Variants in RHOBTB2 observed in about 807,000 individuals in gnomAD.
The protein encoded by RHOBTB2 is Rho related BTB domain containing 2, also known as rho-related BTB domain-containing protein 2.
In RHOBTB2, 39 loss-of-function variants were observed where a neutral mutation model predicts 66.5. The observed-to-expected ratio is 0.59, with a 90% CI of 0.45 to 0.77. The LOEUF is 0.77. RHOBTB2 is among the 30% of genes least tolerant of loss of function. The pLI, the probability that RHOBTB2 is intolerant of heterozygous loss-of-function variation, is 0.00. For missense variants in RHOBTB2, 755 were observed against 999.1 expected (o/e 0.76, Z 3.29); for synonymous variants, 390 against 395.0 (o/e 0.99, Z 0.15).
chr8:23,012,777 C>G (rs1023173809), intron 7 of RHOBTB2, among the ~76,000 whole-genome samples: 14 of 152,084 alleles, frequency 9.2e-5, no homozygotes, highest in African/African-American at 3.4e-4. Context: ...CCTCATCACA[C>G]CCAGCTAATT....
At position 23,017,104 on chromosome 8, in the gene RHOBTB2, G is replaced by A. The variant is rs1029198073; in HGVS notation, c.1967-148G>A. 3.4e-5 allele frequency: 34 copies of A among 1,005,626 alleles called. No homozygotes were observed. Among genetic ancestry groups the A allele is most frequent in the Middle Eastern group, 3.1e-4 (1 of 3,258 alleles). 62.3% of individuals were successfully genotyped at this position (1,005,626 alleles called of 1,614,324 possible). ...GCTCTTTGGGAACTTTGCTTGCCTC[G>A]GAGGCTCATGTGCCGTGGGTCATGG... On this transcript the variant is annotated intron_variant, in intron 9 of 9. Transcript: ENST00000251822. This position sits in a 1 kb window ranked among gnomAD's most constrained non-coding sequence, Gnocchi z 5.3.
chr8:22,954,026 T>C, the RHOBTB2 span, among the ~76,000 whole-genome samples: 2 of 152,208 alleles, frequency 1.3e-5, no homozygotes, highest in African/African-American at 2.4e-5. Flanking sequence ...TTGATCCCTT[T>C]GTGTTTGCTT....
chr8:23,017,949 A>C lies in RHOBTB2; in HGVS notation c.*480A>C. On this transcript the variant is annotated 3_prime_UTR_variant, in exon 10 of 10. Coordinates refer to ENST00000251822, the MANE Select transcript of RHOBTB2 (RefSeq NM_015178.3). The surrounding 1 kb of genome is among the most constrained non-coding windows in gnomAD (Gnocchi z 5.3). The stretch of plus-strand genomic sequence containing the variant: ...TTGTGGGCATTTCCACACGAAGCCT[A>C]CTCACACCCTCACTGGAGAAGTCAG... 2 of 167,920 alleles carry C rather than the reference A, an allele frequency of 1.2e-5. No individual in the cohort carries two copies. Among genetic ancestry groups the C allele is most frequent in the African/African-American group, 2.4e-5 (1 of 42,074 alleles). The allele number at this position is 167,920 out of a possible 1,614,324, so 10.4% of individuals were successfully genotyped here.
intron 7 of RHOBTB2, among the ~76,000 whole-genome samples, chr8:23,013,711 G>T (rs1008312076): frequency 2.0e-5 from 3 of 152,140 alleles, no homozygotes; most frequent in African/African-American, 7.2e-5. Context: ...GGCCAGGCTG[G>T]TCTTGAACTC....
Position 23,014,682 on chromosome 8 carries a change from T to C in RHOBTB2, c.1772-8T>C. The C allele has an allele frequency of 1.2e-6, 2 of 1,613,296 alleles. No homozygotes were observed. The highest frequency in any genetic ancestry group is 1.7e-6 in the Non-Finnish European group (2 of 1,179,330). ...TCTTCAGCTGATTGGTGGCCGTGTG[T>C]GTTACAGAGCAGTACACAGTGACCG... On this transcript the variant is annotated splice_polypyrimidine_tract_variant and splice_region_variant and intron_variant, in intron 7 of 9. Transcript: ENST00000251822.
At chr8:23,015,256 C>T (rs1811257366) in intron 8 of RHOBTB2, among the ~76,000 whole-genome samples, 1 of 152,178 alleles carries the variant, frequency 6.6e-6, no homozygotes, top group South Asian at 2.1e-4. Flanking sequence ...GAAGGCAGCT[C>T]CCTTAGCTCA....
intron 7 of RHOBTB2, among the ~76,000 whole-genome samples, chr8:23,011,085 C>T (rs1811133156): frequency 6.6e-6 from 1 of 152,172 alleles, no homozygotes; most frequent in Non-Finnish European, 1.5e-5. Context: ...TGAAACCCGT[C>T]TCTACTAAAA....
At chr8:22,970,797 A>G in the RHOBTB2 span, among the ~76,000 whole-genome samples, 26 of 151,948 alleles carry the variant, frequency 1.7e-4, no homozygotes, top group African/African-American at 2.2e-4. Context: ...CTCATACTCT[A>G]TGTTCTCGTT....
At chr8:22,996,841 G>A (rs1008627561), upstream of RHOBTB2, among the ~76,000 whole-genome samples, 3 of 152,110 alleles carry the variant, frequency 2.0e-5, no homozygotes, top group African/African-American at 4.8e-5. Context: ...TGGCCTCTGG[G>A]AGTGGCCCTG....
At chr8:22,996,586 T>C (rs560465563), upstream of RHOBTB2, among the ~76,000 whole-genome samples, 2 of 129,896 alleles carry the variant, frequency 1.5e-5, no homozygotes, top group South Asian at 4.7e-4. Flanking sequence ...TCTGTGTATG[T>C]AACGGAATGG....
Position 23,008,120 on chromosome 8 carries a change from G to A in RHOBTB2, c.1620+9G>A, listed in dbSNP as rs1391164320. 1 of 1,583,188 alleles carries A rather than the reference G, an allele frequency of 6.3e-7. No individual in the cohort carries two copies. The highest frequency in any genetic ancestry group is 2.2e-5 in the East Asian group (1 of 44,728). ...AGAGCTCCACCCGGGAGGTAAGGCTGAGGACACAAAGGGGGGAAGGAGGGA... is the reference window on the plus strand; with the variant it reads ...AGAGCTCCACCCGGGAGGTAAGGCTAAGGACACAAAGGGGGGAAGGAGGGA... On this transcript the variant is annotated intron_variant, in intron 6 of 9. Transcript: ENST00000251822.
upstream of RHOBTB2, among the ~76,000 whole-genome samples, chr8:22,985,499 G>C (rs1454905872): frequency 1.3e-5 from 2 of 152,218 alleles, no homozygotes; most frequent in Non-Finnish European, 2.9e-5. Context: ...TTATAGATAA[G>C]AGAGCAGGTC....
intron 3 of RHOBTB2, 90 bp from the exon 4 acceptor site, chr8:23,005,870 A>G: frequency 8.3e-7 from 1 of 1,200,330 alleles, no homozygotes; most frequent in South Asian, 1.4e-5. Context: ...CAGGTGTGGG[A>G]CTGTACAGGG....
At position 23,015,763 on chromosome 8, in the gene RHOBTB2, C is replaced by G. The variant is rs945331049; in HGVS notation, c.1966+20C>G. The G allele has an allele frequency of 2.0e-6, 3 of 1,519,358 alleles. No homozygotes were observed. Among genetic ancestry groups the G allele is most frequent in the East Asian group, 4.5e-5 (2 of 44,336 alleles). The allele number at this position is 1,519,358 out of a possible 1,614,324, so 94.1% of individuals were successfully genotyped here. On this transcript the variant is annotated intron_variant, in intron 9 of 9. Coordinates refer to ENST00000251822, the MANE Select transcript of RHOBTB2 (RefSeq NM_015178.3). Reference sequence around the variant, plus strand: ...CCCCAGGTGAGCATCGGGGCCAGTCCTGGCAGTACCTGCTGCCCTCCCCTT... The same window carrying G: ...CCCCAGGTGAGCATCGGGGCCAGTCGTGGCAGTACCTGCTGCCCTCCCCTT...
intron 6 of RHOBTB2, among the ~76,000 whole-genome samples, chr8:23,008,552 G>C (rs1811042248): frequency 6.6e-6 from 1 of 152,092 alleles, no homozygotes. Flanking sequence ...TGTTTTAAAA[G>C]ATAGGTTTTA....
chr8:23,010,145 G>A (rs1811096861), intron 6 of RHOBTB2, among the ~76,000 whole-genome samples: 1 of 152,166 alleles, frequency 6.6e-6, no homozygotes, highest in South Asian at 2.1e-4. Context: ...AGTAGTATCT[G>A]GGTCCCTTTG....
Position 23,010,275 on chromosome 8 carries a change from C to T in RHOBTB2, c.1621-263C>T, listed in dbSNP as rs550582816. Among the ~76,000 whole-genome samples the T allele has an allele frequency of 5.3e-5, 8 of 152,248 alleles. No individual in the cohort carries two copies. The South Asian group carries it at 8.3e-4, about 16-fold the overall frequency. On this transcript the variant is annotated intron_variant, in intron 6 of 9. Transcript: ENST00000251822. ...GACCATCCTGGATGGCATAACAAGA[C>T]GCTGTTTCTAAAAATAAACACATAA... is the stretch of plus-strand genomic sequence containing the variant.
chr8:23,001,513 C>T (rs1464908245), intron 1 of RHOBTB2, among the ~76,000 whole-genome samples: 2 of 152,194 alleles, frequency 1.3e-5, no homozygotes, highest in African/African-American at 2.4e-5. Context: ...AGTTCTAACA[C>T]TTGAATTGGG....
the RHOBTB2 span, among the ~76,000 whole-genome samples, chr8:22,970,603 T>TAA: frequency 4.9e-5 from 7 of 143,824 alleles, no homozygotes; most frequent in African/African-American, 1.3e-4. Context: ...ACTCTGTCCC[T>TAA]AAAAAAAAAA....
Sources: allele counts gnomAD v4.1 joint callset (sites outside exome capture counted in the v4.1 genomes callset), GRCh38; gene constraint gnomAD v4.1.1; non-coding constraint Gnocchi (gnomAD v3.1); transcripts MANE v1.5; gene names NCBI Gene and HGNC (gene_info 2026-07-23, HGNC 2026-07-21).